BCAS1: variants seen among roughly 807,000 people sequenced by gnomAD.
BCAS1 encodes the protein breast carcinoma-amplified sequence 1.
BCAS1 carries 46 observed loss-of-function variants against 65.4 expected under a neutral mutation model. The ratio of observed to expected loss-of-function variants is 0.70; its 90% CI spans 0.55 to 0.90. The LOEUF (loss-of-function observed/expected upper bound fraction) is 0.90, where lower values mean the gene tolerates loss of function less well. BCAS1 is among the 40% of genes least tolerant of loss of function. BCAS1 has a pLI of 0.00. For synonymous variants in BCAS1, 298 were observed against 293.5 expected, an observed-to-expected ratio of 1.02 and a Z score of -0.16; for missense variants, 793 against 771.2, an observed-to-expected ratio of 1.03 and a Z score of -0.33.
intron 7 of BCAS1, among the ~76,000 whole-genome samples, chr20:53,992,064 G>C (rs62207382): frequency 0.11 from 16,484 of 152,190 alleles, 1,260 homozygotes; most frequent in Non-Finnish European, 0.16. Flanking sequence ...TAGCTAGAAT[G>C]TAATGTCTTT....
At chr20:53,951,883 A>G (rs2089538563) in intron 12 of BCAS1, among the ~76,000 whole-genome samples, 1 of 152,260 alleles carries the variant, frequency 6.6e-6, no homozygotes, top group Admixed American at 6.5e-5. Context: ...AGGAACTATT[A>G]CATCTTGTGG....
intron 12 of BCAS1, among the ~76,000 whole-genome samples, chr20:53,952,215 C>T (rs1255053463): frequency 6.6e-6 from 1 of 152,176 alleles, no homozygotes; most frequent in Non-Finnish European, 1.5e-5. Context: ...TTATTTTAAT[C>T]TCATCCATTC....
At chr20:54,036,107 T>A in intron 3 of BCAS1, among the ~76,000 whole-genome samples, 1 of 150,838 alleles carries the variant, frequency 6.6e-6, no homozygotes, top group Non-Finnish European at 1.5e-5. Context: ...ATAGATATTA[T>A]TTCATCACCC....
chr20:53,965,473 C>T (rs1017960452), intron 10 of BCAS1, among the ~76,000 whole-genome samples: 9 of 151,852 alleles, frequency 5.9e-5, no homozygotes, highest in African/African-American at 2.2e-4. Flanking sequence ...TTTTGTTCTC[C>T]AACTGATTTA....
chr20:54,011,145 A>G (rs891011855), intron 4 of BCAS1, among the ~76,000 whole-genome samples: 2 of 130,252 alleles, frequency 1.5e-5, no homozygotes, highest in Admixed American at 1.5e-4. Flanking sequence ...AAAATAAGAG[A>G]AAATTTCTGA....
At chr20:54,019,173 A>T (rs2091503894) in intron 4 of BCAS1, among the ~76,000 whole-genome samples, 1 of 152,210 alleles carries the variant, frequency 6.6e-6, no homozygotes, top group African/African-American at 2.4e-5. Context: ...ACCCACAGCC[A>T]ACATCATACA....
intron 1 of BCAS1, among the ~76,000 whole-genome samples, chr20:54,064,839 G>C (rs2092416583): frequency 6.6e-6 from 1 of 152,200 alleles, no homozygotes; most frequent in Non-Finnish European, 1.5e-5. Context: ...GTGCTGAGCA[G>C]TTCTGATTTG....
chr20:54,057,297 T>A (rs966472824), intron 3 of BCAS1, among the ~76,000 whole-genome samples: 1 of 152,216 alleles, frequency 6.6e-6, no homozygotes, highest in African/African-American at 2.4e-5. Flanking sequence ...AAGGAATATA[T>A]GAAATATCGC....
chr20:54,041,908 CCAA>C (rs1161875331), intron 3 of BCAS1, among the ~76,000 whole-genome samples: 17 of 67,362 alleles, frequency 2.5e-4, no homozygotes, highest in South Asian at 7.5e-4. Context: ...TCTGTCTCCC[CCAA>C]AAAAAAAAAA....
chr20:54,034,991 A>T (rs1049124115), intron 3 of BCAS1, among the ~76,000 whole-genome samples: 1 of 151,346 alleles, frequency 6.6e-6, no homozygotes, highest in Non-Finnish European at 1.5e-5. Flanking sequence ...CACACCTACA[A>T]CTATCTAATC....
chr20:53,975,505 T>C, intron 8 of BCAS1, 75 bp from the exon 9 acceptor site: 1 of 1,262,850 alleles, frequency 7.9e-7, no homozygotes, highest in Admixed American at 1.8e-5. Flanking sequence ...AGCAAAGGGT[T>C]AGTTGGGCTC....
intron 6 of BCAS1, 119 bp from the exon 7 acceptor site, chr20:53,992,765 C>A: frequency 1.1e-6 from 1 of 915,958 alleles, no homozygotes; most frequent in East Asian, 6.2e-5. Context: ...TACACCATCC[C>A]CTCTTCTAAC....
At chr20:54,054,645 A>G (rs290424) in intron 3 of BCAS1, among the ~76,000 whole-genome samples, 2,909 of 152,338 alleles carry the variant, frequency 0.019, 69 homozygotes, top group East Asian at 0.1. Flanking sequence ...CCTCGGGATT[A>G]ACTGGGACTC....
chr20:53,987,183 A>G (rs2090636154), intron 7 of BCAS1, among the ~76,000 whole-genome samples: 1 of 152,230 alleles, frequency 6.6e-6, no homozygotes, highest in African/African-American at 2.4e-5. Flanking sequence ...AATTTTTAAT[A>G]CTAAGAAGGA....
At chr20:54,058,013 T>TTC in intron 3 of BCAS1, 72 bp downstream of exon 3, 2 of 1,087,624 alleles carry the variant, frequency 1.8e-6, no homozygotes, top group South Asian at 1.4e-5. Context: ...TTTTTTTTTT[T>TTC]CACCGTAAAC....
intron 4 of BCAS1, among the ~76,000 whole-genome samples, chr20:54,004,750 A>C (rs1371944074): frequency 3.9e-5 from 6 of 152,064 alleles, no homozygotes; most frequent in Non-Finnish European, 8.8e-5. Flanking sequence ...GTGGACTTAA[A>C]GTTTGTGTCT....
rs576102068 is a variant in BCAS1 at position 54,064,481 on chromosome 20, A to G, written c.-5-5758T>C. ...TCTAGGGGCACTGCTTTGCTGACGC[A>G]CTGTTTCGTGAGCTTGCAAATCAAG... On this transcript the variant is annotated intron_variant, in intron 1 of 12. Coordinates refer to ENST00000688948, the MANE Select transcript of BCAS1 (RefSeq NM_001366298.2). Among the ~76,000 whole-genome samples the G allele has an allele frequency of 6.6e-5, 10 of 152,290 alleles. No individual in the cohort carries two copies. In the East Asian group the frequency reaches 1.5e-3, roughly 24 times the overall value.
At position 54,034,290 on chromosome 20, in the gene BCAS1, G is replaced by A. The variant is rs576551195; in HGVS notation, c.143-5318C>T. On this transcript the variant is annotated intron_variant, in intron 3 of 12. Transcript: ENST00000688948. The stretch of plus-strand genomic sequence containing the variant: ...ATTGGAAGTCTTGGCCAGGGCAATC[G>A]GGCAAGAGAAATAAATAAAGCGCAT... Among the ~76,000 whole-genome samples, 454 of 151,196 alleles carry A rather than the reference G, an allele frequency of 3.0e-3. 8 individuals are homozygous for A. Among genetic ancestry groups the A allele is most frequent in the African/African-American group, 0.011 (435 of 41,342 alleles).
intron 1 of BCAS1, among the ~76,000 whole-genome samples, chr20:54,059,796 G>A (rs1395360726): frequency 6.6e-6 from 1 of 152,120 alleles, no homozygotes; most frequent in Admixed American, 6.5e-5. Context: ...TAAACATATC[G>A]AAACAGAAAA....
Sources: allele counts gnomAD v4.1 joint callset (sites outside exome capture counted in the v4.1 genomes callset), GRCh38; gene constraint gnomAD v4.1.1; transcripts MANE v1.5; gene names NCBI Gene and HGNC (gene_info 2026-07-23, HGNC 2026-07-21).